The following KCNN2 variants were observed in gnomAD, a reference collection of about 807,000 sequenced individuals.
The protein encoded by KCNN2 is small conductance calcium-activated potassium channel protein 2.
Under a neutral mutation model 55.5 loss-of-function variants are expected in KCNN2, and 24 were observed. That is an observed-to-expected ratio of 0.43 (90% CI 0.31 to 0.61). The LOEUF is 0.61. KCNN2 is among the 20% of genes least tolerant of loss of function. KCNN2 has a pLI of 0.08. For missense variants in KCNN2, 754 were observed against 853.6 expected (o/e 0.88, Z 1.45); for synonymous variants, 431 against 336.1 (o/e 1.28, Z -3.09).
rs921119005 is a variant in KCNN2 at position 114,437,636 on chromosome 5, A to G, written c.1638-25413A>G. ...ACTATTGAAAGTGTTACATAGTTCA[A>G]ATCCTTCTGATTAACTTGAGTTTTC... is the stretch of plus-strand genomic sequence containing the variant. On this transcript the variant is annotated intron_variant, in intron 3 of 7. Coordinates refer to ENST00000673685, the MANE Select transcript of KCNN2 (RefSeq NM_021614.4). Among the ~76,000 whole-genome samples, 5 of 152,186 alleles carry G rather than the reference A, an allele frequency of 3.3e-5. No individual in the cohort carries two copies. In the South Asian group the frequency reaches 6.2e-4, roughly 19 times the overall value.
chr5:114,146,181 A>T (rs1229788713), intron 1 of KCNN2, among the ~76,000 whole-genome samples: 1 of 152,118 alleles, frequency 6.6e-6, no homozygotes. Context: ...TTACCAGAAA[A>T]AATGTTTTTC....
chr5:114,335,497 C>T (rs918769557), intron 2 of KCNN2, among the ~76,000 whole-genome samples: 2 of 152,174 alleles, frequency 1.3e-5, no homozygotes, highest in African/African-American at 4.8e-5. Flanking sequence ...CTATTTTTAT[C>T]TTACTTTCTT....
chr5:114,123,919 G>T (rs923604713), intron 1 of KCNN2, among the ~76,000 whole-genome samples: 1 of 152,142 alleles, frequency 6.6e-6, no homozygotes, highest in Non-Finnish European at 1.5e-5. Flanking sequence ...ACCAGGTCTT[G>T]TCAGTTACAC....
intron 2 of KCNN2, among the ~76,000 whole-genome samples, chr5:114,338,195 A>G (rs1245240727): frequency 2.6e-5 from 4 of 152,198 alleles, no homozygotes; most frequent in African/African-American, 9.6e-5. Context: ...GGTGAATACA[A>G]ATTATTCAAA....
chr5:114,133,447 A>G (rs1752110015), intron 1 of KCNN2, among the ~76,000 whole-genome samples: 1 of 152,184 alleles, frequency 6.6e-6, no homozygotes, highest in Non-Finnish European at 1.5e-5. Flanking sequence ...CCTTGTAATT[A>G]CTTTGTTTGG....
intron 2 of KCNN2, among the ~76,000 whole-genome samples, chr5:114,261,624 G>T (rs1204918351): frequency 2.0e-5 from 3 of 152,182 alleles, no homozygotes; most frequent in East Asian, 3.9e-4. Flanking sequence ...TTTTCTCTGA[G>T]AATTATTTTC....
intron 1 of KCNN2, among the ~76,000 whole-genome samples, chr5:114,168,936 G>A (rs1752974916): frequency 6.6e-6 from 1 of 152,046 alleles, no homozygotes; most frequent in African/African-American, 2.4e-5. Flanking sequence ...TTGGAGGTAG[G>A]GCCTGGTGGG....
At chr5:114,089,827 G>T (rs778006895) in intron 1 of KCNN2, among the ~76,000 whole-genome samples, 10 of 152,268 alleles carry the variant, frequency 6.6e-5, no homozygotes, top group Non-Finnish European at 1.3e-4. Flanking sequence ...AGAAGTAGAA[G>T]AATTTAAGAC....
intron 2 of KCNN2, among the ~76,000 whole-genome samples, chr5:114,323,614 G>C (rs939028488): frequency 1.4e-5 from 2 of 139,528 alleles, no homozygotes; most frequent in African/African-American, 5.2e-5. Flanking sequence ...ACCATGTTTA[G>C]TATAGAGAAT....
At chr5:114,194,133 A>T (rs75608315) in intron 1 of KCNN2, among the ~76,000 whole-genome samples, 2,904 of 152,198 alleles carry the variant, frequency 0.019, 86 homozygotes, top group African/African-American at 0.066. Flanking sequence ...ATACAATATT[A>T]TTCATAGTAC....
At chr5:114,219,597 CT>C in intron 1 of KCNN2, among the ~76,000 whole-genome samples, 1 of 152,130 alleles carries the variant, frequency 6.6e-6, no homozygotes, top group South Asian at 2.1e-4. Flanking sequence ...CCAGCTGAGT[CT>C]GGGGTTTTTA....
chr5:114,246,610 A>AT (rs1445351871), intron 2 of KCNN2, among the ~76,000 whole-genome samples: 2 of 152,200 alleles, frequency 1.3e-5, no homozygotes, highest in African/African-American at 4.8e-5. Context: ...TTTTAGAGCT[A>AT]CTGTACCTTT....
chr5:114,360,091 T>C (rs1389686564), upstream of KCNN2, among the ~76,000 whole-genome samples: 1 of 152,148 alleles, frequency 6.6e-6, no homozygotes, highest in South Asian at 2.1e-4. Flanking sequence ...AGCCACTAAA[T>C]TATATTCTTG....
intron 2 of KCNN2, among the ~76,000 whole-genome samples, chr5:114,376,225 T>C (rs919156236): frequency 1.3e-5 from 2 of 152,120 alleles, no homozygotes; most frequent in Non-Finnish European, 2.9e-5. Context: ...ATCCATCAAA[T>C]GTGTCTTATA....
chr5:114,091,840 T>C (rs1241654245), intron 1 of KCNN2, among the ~76,000 whole-genome samples: 1 of 152,158 alleles, frequency 6.6e-6, no homozygotes, highest in Non-Finnish European at 1.5e-5. Context: ...ACTGCTTCCG[T>C]GATTCACTTA....
intron 2 of KCNN2, among the ~76,000 whole-genome samples, chr5:114,376,932 A>C (rs1757964512): frequency 6.6e-6 from 1 of 152,252 alleles, no homozygotes; most frequent in South Asian, 2.1e-4. Context: ...GCAAAAGTAA[A>C]TAAATGAAAC....
At chr5:114,176,969 G>T (rs1358779354) in intron 1 of KCNN2, among the ~76,000 whole-genome samples, 1 of 151,112 alleles carries the variant, frequency 6.6e-6, no homozygotes, top group Non-Finnish European at 1.5e-5. Flanking sequence ...AGGAGGAACA[G>T]TTTTTTTTTA....
At chr5:114,381,942 T>C (rs1758137642) in intron 2 of KCNN2, among the ~76,000 whole-genome samples, 1 of 152,020 alleles carries the variant, frequency 6.6e-6, no homozygotes, top group Admixed American at 6.6e-5. Flanking sequence ...GGGATGGGAG[T>C]TGGATACCTG....
chr5:114,394,701 G>A lies in KCNN2; in HGVS notation c.1219-9737G>A, dbSNP rs1196127115. On this transcript the variant is annotated intron_variant, in intron 2 of 7. Transcript: ENST00000673685. ...GGTTTAACTCTGCTTTTCTCCAGGT[G>A]GTTACTTAGTTGTCTCCAAATCATT... Among the ~76,000 whole-genome samples, 4 of 152,076 alleles carry A rather than the reference G, an allele frequency of 2.6e-5. No individual in the cohort carries two copies. The East Asian group carries it at 7.7e-4, about 29-fold the overall frequency.
Sources: gnomAD v4.1 joint callset for allele counts (sites outside exome capture counted in the v4.1 genomes callset) on GRCh38, gnomAD v4.1.1 for gene constraint, MANE v1.5 for transcripts, NCBI Gene and HGNC (gene_info 2026-07-23, HGNC 2026-07-21) for gene names.